Variants in LGSN observed in about 807,000 individuals in gnomAD.
LGSN encodes the protein lengsin.
Under a neutral mutation model 19.5 loss-of-function variants are expected in LGSN, and 21 were observed. The ratio of observed to expected loss-of-function variants is 1.07; its 90% CI spans 0.76 to 1.55. The LOEUF (loss-of-function observed/expected upper bound fraction) is 1.55, where lower values mean the gene tolerates loss of function less well. LGSN is among the 40% of genes most tolerant of loss of function. The pLI, the probability that LGSN is intolerant of heterozygous loss-of-function variation, is 0.00. For missense variants in LGSN, 673 were observed against 608.5 expected (o/e 1.11, Z -1.12); for synonymous variants, 257 against 215.6 (o/e 1.19, Z -1.68).
chr6:63,527,402 A>G, the LGSN span, among the ~76,000 whole-genome samples: 1 of 152,192 alleles, frequency 6.6e-6, no homozygotes, highest in Non-Finnish European at 1.5e-5. Flanking sequence ...TGCCGAGTGA[A>G]TAAGGACCTA....
the LGSN span, among the ~76,000 whole-genome samples, chr6:63,355,083 T>C: frequency 6.6e-6 from 1 of 152,104 alleles, no homozygotes; most frequent in Non-Finnish European, 1.5e-5. Context: ...CAATGTATTG[T>C]ATAGTTCAAA....
chr6:63,568,194 G>A, the LGSN span, among the ~76,000 whole-genome samples: 7 of 152,176 alleles, frequency 4.6e-5, no homozygotes, highest in Non-Finnish European at 2.9e-5. Context: ...CAACTTGACT[G>A]TTTTGGGTAT....
chr6:63,302,541 A>G (rs1693026892), intron 1 of LGSN, among the ~76,000 whole-genome samples: 1 of 152,214 alleles, frequency 6.6e-6, no homozygotes, highest in African/African-American at 2.4e-5. Context: ...CAGTTTATAA[A>G]ATTGCCAACT....
chr6:63,439,049 T>G, the LGSN span, among the ~76,000 whole-genome samples: 1 of 152,232 alleles, frequency 6.6e-6, no homozygotes, highest in African/African-American at 2.4e-5. Context: ...TTCATATCCT[T>G]TGTAGGGACA....
the LGSN span, among the ~76,000 whole-genome samples, chr6:63,460,617 G>A: frequency 6.6e-6 from 1 of 152,082 alleles, no homozygotes; most frequent in African/African-American, 2.4e-5. Flanking sequence ...ATTATTAGGA[G>A]GAATTTTCTT....
chr6:63,384,489 TTGTGTGTGTGTG>T, the LGSN span, among the ~76,000 whole-genome samples: 773 of 131,580 alleles, frequency 5.9e-3, 5 homozygotes, highest in South Asian at 0.03. Flanking sequence ...AAATAACACC[TTGTGTGTGTGTG>T]TGTGTGTGTG....
At chr6:63,422,422 G>A in the LGSN span, among the ~76,000 whole-genome samples, 1 of 152,134 alleles carries the variant, frequency 6.6e-6, no homozygotes, top group Admixed American at 6.5e-5. Flanking sequence ...CTAATGTCCA[G>A]TGTTGATAGT....
intron 2 of LGSN, chr6:63,293,965 A>G (rs1015614051): frequency 2.9e-6 from 1 of 350,656 alleles, no homozygotes. Flanking sequence ...TAGCAGTGAC[A>G]TATTAAATGA....
In LGSN at chr6:63,306,459, C is replaced by T. The variant is rs530283823; in HGVS notation, c.31-11414G>A. Among the ~76,000 whole-genome samples, 5 of 152,258 alleles carry T rather than the reference C, an allele frequency of 3.3e-5. No individual in the cohort carries two copies. The East Asian group carries it at 9.6e-4, about 29-fold the overall frequency. On this transcript the variant is annotated intron_variant, in intron 1 of 3. Coordinates refer to ENST00000370657, the MANE Select transcript of LGSN (RefSeq NM_016571.3). ...AACTCTTTTCTGTATAAAAGCAAAA[C>T]CCATCTTAATTCACATCACCACCAG...
At chr6:63,354,837 G>A in the LGSN span, among the ~76,000 whole-genome samples, 4 of 151,998 alleles carry the variant, frequency 2.6e-5, no homozygotes, top group African/African-American at 9.7e-5. Context: ...CAGCAACATT[G>A]ATGGAAGTGG....
chr6:63,360,391 C>A, the LGSN span, among the ~76,000 whole-genome samples: 1 of 152,172 alleles, frequency 6.6e-6, no homozygotes, highest in East Asian at 1.9e-4. Context: ...AACTTCTCTT[C>A]TCGCTTCATT....
At chr6:63,429,218 A>C in the LGSN span, among the ~76,000 whole-genome samples, 1 of 152,178 alleles carries the variant, frequency 6.6e-6, no homozygotes, top group Non-Finnish European at 1.5e-5. Context: ...ATTTGGATGT[A>C]AGTCTCACTT....
chr6:63,398,372 A>T, the LGSN span, among the ~76,000 whole-genome samples: 2 of 152,056 alleles, frequency 1.3e-5, no homozygotes, highest in East Asian at 3.8e-4. Context: ...GAAGACAATG[A>T]TATTGATGAC....
At chr6:63,450,327 C>T in the LGSN span, among the ~76,000 whole-genome samples, 1 of 151,530 alleles carries the variant, frequency 6.6e-6, no homozygotes, top group East Asian at 1.9e-4. Flanking sequence ...GCACACTGCA[C>T]TCCAGCCTGG....
the LGSN span, among the ~76,000 whole-genome samples, chr6:63,470,206 ACCTGT>A: frequency 6.6e-6 from 1 of 151,754 alleles, no homozygotes. Context: ...AGTAGCTCAC[ACCTGT>A]AATCCCAGCA....
the LGSN span, among the ~76,000 whole-genome samples, chr6:63,518,143 G>T: frequency 7.4e-6 from 1 of 135,272 alleles, no homozygotes; most frequent in East Asian, 2.1e-4. Flanking sequence ...AACACAGTGA[G>T]ACTCCGTCTC....
the LGSN span, among the ~76,000 whole-genome samples, chr6:63,536,442 G>T: frequency 6.6e-6 from 1 of 152,168 alleles, no homozygotes; most frequent in African/African-American, 2.4e-5. Flanking sequence ...AAAGTTTAAG[G>T]ATATCCCATT....
chr6:63,337,057 G>A, the LGSN span, among the ~76,000 whole-genome samples: 5 of 151,766 alleles, frequency 3.3e-5, no homozygotes, highest in African/African-American at 1.2e-4. Context: ...CCGAGTAGCT[G>A]GGATTACAGG....
chr6:63,402,296 T>A, the LGSN span, among the ~76,000 whole-genome samples: 2 of 152,284 alleles, frequency 1.3e-5, no homozygotes, highest in African/African-American at 2.4e-5. Context: ...GGAGAAAATA[T>A]GTGGGTTCAT....
Sources: gnomAD v4.1 joint callset for allele counts (sites outside exome capture counted in the v4.1 genomes callset) on GRCh38, gnomAD v4.1.1 for gene constraint, MANE v1.5 for transcripts, NCBI Gene and HGNC (gene_info 2026-07-23, HGNC 2026-07-21) for gene names.